The following DENND2B variants were observed in gnomAD, a reference collection of about 807,000 sequenced individuals.
The protein encoded by DENND2B is DENN domain-containing protein 2B.
In DENND2B, 32 loss-of-function variants were observed where a neutral mutation model predicts 116.0. That is an observed-to-expected ratio of 0.28 (90% CI 0.21 to 0.37). The LOEUF (loss-of-function observed/expected upper bound fraction) is 0.37, where lower values mean the gene tolerates loss of function less well. Ranked by LOEUF, DENND2B falls within the 10% of genes least tolerant of loss-of-function variation. The pLI is 1.00. For synonymous variants in DENND2B, 588 were observed against 583.9 expected (o/e 1.01, Z -0.10); for missense variants, 1,276 against 1,477.7 (o/e 0.86, Z 2.24).
intron 1 of DENND2B, among the ~76,000 whole-genome samples, chr11:8,767,544 C>G (rs1470052943): frequency 1.3e-5 from 2 of 152,096 alleles, no homozygotes; most frequent in African/African-American, 4.8e-5. Flanking sequence ...TCACAGTATT[C>G]CAGAACTTAA....
At chr11:8,783,176 T>A (rs924799407) in intron 1 of DENND2B, among the ~76,000 whole-genome samples, 16 of 151,110 alleles carry the variant, frequency 1.1e-4, no homozygotes, top group Non-Finnish European at 1.2e-4. Context: ...CACCTTAGCC[T>A]CTTGAAAAGC....
chr11:8,878,253 A>G (rs1460911610), intron 2 of DENND2B, among the ~76,000 whole-genome samples: 1 of 152,230 alleles, frequency 6.6e-6, no homozygotes, highest in Non-Finnish European at 1.5e-5. Flanking sequence ...TTACCATGTG[A>G]CCAGCAATTC....
chr11:8,839,264 A>G (rs1269498430), intron 4 of DENND2B: 1 of 152,238 alleles, frequency 6.6e-6, no homozygotes, highest in African/African-American at 2.4e-5. Context: ...AAGTCACTGT[A>G]TGGAACTAGA....
chr11:8,761,126 G>A (rs1242693309), intron 1 of DENND2B, among the ~76,000 whole-genome samples: 1 of 152,150 alleles, frequency 6.6e-6, no homozygotes, highest in Non-Finnish European at 1.5e-5. Flanking sequence ...ATCCTGCAGA[G>A]GTTTAAAGCT....
intron 2 of DENND2B, among the ~76,000 whole-genome samples, chr11:8,860,009 T>G (rs570985877): frequency 6.6e-6 from 1 of 152,126 alleles, no homozygotes; most frequent in Admixed American, 6.5e-5. Context: ...AGCCAAAATA[T>G]TCCCAGAAAA....
chr11:8,801,166 G>C (rs1027301289), intron 1 of DENND2B, among the ~76,000 whole-genome samples: 2 of 151,888 alleles, frequency 1.3e-5, no homozygotes, highest in Non-Finnish European at 2.9e-5. Context: ...ACTCCTCAGA[G>C]AGGGGCCCGC....
chr11:8,848,295 A>G (rs1272241536), intron 3 of DENND2B, among the ~76,000 whole-genome samples: 1 of 152,238 alleles, frequency 6.6e-6, no homozygotes, highest in Non-Finnish European at 1.5e-5. Context: ...ATTATGTCCA[A>G]GAACAACTGT....
intron 1 of DENND2B, chr11:8,784,285 G>C (rs1253225794): frequency 6.6e-6 from 1 of 151,524 alleles, no homozygotes; most frequent in African/African-American, 2.4e-5. Context: ...GCCAGGCATG[G>C]ACAGGGAGGT....
At chr11:8,757,258 T>G (rs993799864) in intron 1 of DENND2B, 3 of 358,294 alleles carry the variant, frequency 8.4e-6, no homozygotes, top group Non-Finnish European at 1.1e-5. Context: ...TGTCTGGCAA[T>G]AGAAGCTTAA....
chr11:8,725,949 G>T (rs909872731), intron 4 of DENND2B, 124 bp downstream of exon 4: 102 of 1,391,482 alleles, frequency 7.3e-5, no homozygotes, highest in Non-Finnish European at 7.9e-5. Flanking sequence ...CATTCCAGGA[G>T]GAGTTCCAGA....
At chr11:8,863,542 C>T (rs532563727) in intron 2 of DENND2B, among the ~76,000 whole-genome samples, 5 of 151,960 alleles carry the variant, frequency 3.3e-5, no homozygotes, top group Non-Finnish European at 5.9e-5. Context: ...CTGCCTCTTA[C>T]GCCACTTCCT....
intron 14 of DENND2B, among the ~76,000 whole-genome samples, chr11:8,700,526 T>C (rs1367173817): frequency 6.6e-6 from 1 of 152,178 alleles, no homozygotes; most frequent in Non-Finnish European, 1.5e-5. Context: ...CGGTTTCCTC[T>C]CAACTGCTTC....
At chr11:8,698,190 CA>C (rs2040793519) in intron 16 of DENND2B, among the ~76,000 whole-genome samples, 1 of 136,874 alleles carries the variant, frequency 7.3e-6, no homozygotes, top group African/African-American at 2.6e-5. Flanking sequence ...GTGTGGCATT[CA>C]CTGGCCTCTG....
intron 16 of DENND2B, 70 bp from the exon 17 acceptor site, chr11:8,697,706 T>C: frequency 1.0e-6 from 1 of 986,538 alleles, no homozygotes; most frequent in Non-Finnish European, 1.6e-6. Context: ...TAAGACCTGT[T>C]AGAAGAGCGT....
intron 2 of DENND2B, among the ~76,000 whole-genome samples, chr11:8,867,573 CTT>C (rs33990941): frequency 3.4e-5 from 3 of 89,222 alleles, no homozygotes; most frequent in African/African-American, 8.6e-5. Flanking sequence ...TAAAATTCAG[CTT>C]TTTTTTTTTT....
At chr11:8,852,889 T>C (rs1487578225) in intron 3 of DENND2B, among the ~76,000 whole-genome samples, 2 of 152,170 alleles carry the variant, frequency 1.3e-5, no homozygotes, top group Admixed American at 6.5e-5. Context: ...AGAAGGACGA[T>C]TCATGACACA....
intron 1 of DENND2B, among the ~76,000 whole-genome samples, chr11:8,799,628 G>A (rs902847114): frequency 6.0e-5 from 8 of 134,188 alleles, no homozygotes; most frequent in Non-Finnish European, 9.2e-5. Context: ...AGTGCAGTGT[G>A]TATTCACAGG....
chr11:8,731,794 A>G (rs2048173611), intron 2 of DENND2B, among the ~76,000 whole-genome samples: 1 of 152,180 alleles, frequency 6.6e-6, no homozygotes, highest in Non-Finnish European at 1.5e-5. Flanking sequence ...TTGGTAGTAT[A>G]AATATTCCAA....
chr11:8,730,829 C>G lies in DENND2B; in HGVS notation c.461G>C (p.Arg154Pro). The G allele has an allele frequency of 6.2e-7, 1 of 1,613,176 alleles. No individual in the cohort carries two copies. Among genetic ancestry groups the G allele is most frequent in the Non-Finnish European group, 8.5e-7 (1 of 1,179,964 alleles). Residue 154 changes from arginine to proline, a missense_variant, in exon 3 of 20, where the codon CGT (arginine) becomes CCT (proline). Physicochemically the swap from Arg to Pro is moderately radical, Grantham distance 103. Coordinates refer to ENST00000313726, the MANE Select transcript of DENND2B (RefSeq NM_213618.2). This position sits in a 1 kb window ranked among gnomAD's most constrained non-coding sequence, Gnocchi z 4.1. ...AAGPRGVLLT[R>P]TGTRAHSLGI... ...CAGGCTGTGGGCGCGGGTACCGGTACGGGTCAGCAAGACGCCCCGGGGGCC... is the reference window on the plus strand; with the variant it reads ...CAGGCTGTGGGCGCGGGTACCGGTAGGGGTCAGCAAGACGCCCCGGGGGCC...
Sources: allele counts gnomAD v4.1 joint callset (sites outside exome capture counted in the v4.1 genomes callset), GRCh38; gene constraint gnomAD v4.1.1; non-coding constraint Gnocchi (gnomAD v3.1); transcripts MANE v1.5; gene names NCBI Gene and HGNC (gene_info 2026-07-23, HGNC 2026-07-21).